NMNAT2: variants seen among roughly 807,000 people sequenced by gnomAD.
The protein encoded by NMNAT2 is nicotinamide nucleotide adenylyltransferase 2, also known as nicotinamide/nicotinic acid mononucleotide adenylyltransferase 2.
NMNAT2 carries 11 observed loss-of-function variants against 41.6 expected under a neutral mutation model. The ratio of observed to expected loss-of-function variants is 0.26; its 90% CI spans 0.17 to 0.44. NMNAT2 has a LOEUF of 0.44. Among genes scored for constraint, NMNAT2 ranks in the 20% least tolerant of loss-of-function variants. The pLI is 1.00. For synonymous variants in NMNAT2, 148 were observed against 151.2 expected, an observed-to-expected ratio of 0.98 and a Z score of 0.16; for missense variants, 288 against 407.7, an observed-to-expected ratio of 0.71 and a Z score of 2.53.
At chr1:183,338,559 A>G (rs1662728190) in intron 1 of NMNAT2, among the ~76,000 whole-genome samples, 2 of 152,250 alleles carry the variant, frequency 1.3e-5, no homozygotes, top group African/African-American at 4.8e-5. Context: ...ATGATAATCA[A>G]ATGAAATAAG....
intron 1 of NMNAT2, among the ~76,000 whole-genome samples, chr1:183,370,084 C>A (rs889361695): frequency 2.0e-5 from 3 of 152,082 alleles, no homozygotes; most frequent in Middle Eastern, 3.4e-3. Context: ...TCCCAACACA[C>A]GGCTGCAACC....
At chr1:183,379,099 AATC>A (rs1268315832) in intron 1 of NMNAT2, among the ~76,000 whole-genome samples, 6 of 113,762 alleles carry the variant, frequency 5.3e-5, no homozygotes, top group Admixed American at 3.3e-4. Context: ...TATAATCTAT[AATC>A]TATATCTCTC....
At chr1:183,361,675 G>A (rs1456558275) in intron 1 of NMNAT2, among the ~76,000 whole-genome samples, 5 of 152,184 alleles carry the variant, frequency 3.3e-5, no homozygotes, top group African/African-American at 1.2e-4. Context: ...CTCTAGCACT[G>A]TAATCTCTTT....
chr1:183,347,933 G>A lies in NMNAT2; in HGVS notation c.86-54140C>T, dbSNP rs140896556. 3.4e-3 allele frequency among the ~76,000 whole-genome samples: 523 copies of A among 152,166 alleles called. 7 individuals carry two copies. The highest frequency in any genetic ancestry group is 0.012 in the African/African-American group (492 of 41,504). Reference sequence around the variant, plus strand: ...TCAGTTCCCTTCAATGACTACTTGCGCTGGGAGGGTTGAACAAATGGGGAC... The same window carrying A: ...TCAGTTCCCTTCAATGACTACTTGCACTGGGAGGGTTGAACAAATGGGGAC... On this transcript the variant is annotated intron_variant, in intron 1 of 10. Coordinates refer to ENST00000287713, the MANE Select transcript of NMNAT2 (RefSeq NM_015039.4).
At chr1:183,391,177 A>G (rs1283553956) in intron 1 of NMNAT2, among the ~76,000 whole-genome samples, 3 of 152,024 alleles carry the variant, frequency 2.0e-5, no homozygotes, top group African/African-American at 7.2e-5. Flanking sequence ...TTCTCTCTTC[A>G]AATCCCATTG....
intron 1 of NMNAT2, among the ~76,000 whole-genome samples, chr1:183,322,528 C>A (rs879892386): frequency 8.5e-5 from 13 of 152,178 alleles, no homozygotes; most frequent in Non-Finnish European, 1.9e-4. Context: ...TACTCCTGCT[C>A]CTCCAAAGCT....
intron 1 of NMNAT2, among the ~76,000 whole-genome samples, chr1:183,398,992 A>G (rs1184873498): frequency 1.3e-5 from 2 of 152,210 alleles, no homozygotes; most frequent in African/African-American, 4.8e-5. Context: ...TAACATCACA[A>G]TTAAAACAAC....
At chr1:183,293,677 G>A (rs201403484) in intron 2 of NMNAT2, 28 bp downstream of exon 2, 7 of 1,524,274 alleles carry the variant, frequency 4.6e-6, no homozygotes, top group Non-Finnish European at 6.4e-6. Context: ...GGGGATTGAA[G>A]AGGAGAGGGG....
intron 1 of NMNAT2, among the ~76,000 whole-genome samples, chr1:183,385,290 G>GA (rs1428642553): frequency 1.3e-5 from 2 of 152,156 alleles, no homozygotes; most frequent in African/African-American, 2.4e-5. Context: ...TGCCTGTTTA[G>GA]AAAATGTGAG....
At chr1:183,286,276 C>T (rs1405928773) in intron 5 of NMNAT2, among the ~76,000 whole-genome samples, 2 of 151,814 alleles carry the variant, frequency 1.3e-5, no homozygotes, top group African/African-American at 2.4e-5. Context: ...TTATTTGGTA[C>T]AGGTGGGGTT....
rs773660998 is a variant in NMNAT2, at chr1:183,261,316, A to C, written c.652-13T>G. Reference sequence around the variant, plus strand: ...CAATCACCTCCATCTAAAGAAACAGAGAGAGGGCCCTTTGGTGAAACCCTG... The same window carrying C: ...CAATCACCTCCATCTAAAGAAACAGCGAGAGGGCCCTTTGGTGAAACCCTG... On this transcript the variant is annotated splice_polypyrimidine_tract_variant and intron_variant, in intron 8 of 10. Coordinates refer to ENST00000287713, the MANE Select transcript of NMNAT2 (RefSeq NM_015039.4). 6.2e-7 allele frequency: 1 copy of C among 1,607,596 alleles called. No individual in the cohort carries two copies. The highest frequency in any genetic ancestry group is 1.1e-5 in the South Asian group (1 of 90,930).
intron 1 of NMNAT2, among the ~76,000 whole-genome samples, chr1:183,296,624 T>G (rs776718596): frequency 2.0e-4 from 30 of 152,102 alleles, no homozygotes; most frequent in Non-Finnish European, 4.1e-4. Context: ...GTGATTCTTG[T>G]GCCTCAGCCT....
At chr1:183,402,655 A>T (rs1293005665) in intron 1 of NMNAT2, among the ~76,000 whole-genome samples, 1 of 152,192 alleles carries the variant, frequency 6.6e-6, no homozygotes. Context: ...TATTTATTGC[A>T]GGGGATGCTC....
chr1:183,301,414 G>A (rs531513226), intron 1 of NMNAT2, among the ~76,000 whole-genome samples: 1 of 152,376 alleles, frequency 6.6e-6, no homozygotes, highest in Admixed American at 6.5e-5. Flanking sequence ...CAGCCCATTG[G>A]CAAAGCTGTA....
intron 1 of NMNAT2, among the ~76,000 whole-genome samples, chr1:183,365,454 G>C (rs1164012126): frequency 6.6e-6 from 1 of 152,006 alleles, no homozygotes; most frequent in Non-Finnish European, 1.5e-5. Flanking sequence ...GATGGAGAAT[G>C]GGTTTTAAAA....
At chr1:183,292,168 G>A (rs1473252867) in intron 3 of NMNAT2, among the ~76,000 whole-genome samples, 1 of 152,218 alleles carries the variant, frequency 6.6e-6, no homozygotes, top group African/African-American at 2.4e-5. Flanking sequence ...AAGAACTTTG[G>A]GGAACATCAT....
chr1:183,412,141 C>T (rs760453176), intron 1 of NMNAT2, among the ~76,000 whole-genome samples: 3 of 152,204 alleles, frequency 2.0e-5, no homozygotes, highest in African/African-American at 4.8e-5. Context: ...GACAGAGATA[C>T]GGAGCTCTGG....
chr1:183,313,003 T>C (rs1662158802), intron 1 of NMNAT2, among the ~76,000 whole-genome samples: 1 of 152,176 alleles, frequency 6.6e-6, no homozygotes, highest in Non-Finnish European at 1.5e-5. Flanking sequence ...CTGTGTCTTT[T>C]CCAATGAAGC....
chr1:183,290,364 T>C (rs1329527806), intron 3 of NMNAT2, among the ~76,000 whole-genome samples, 158 bp from the exon 4 acceptor site: 1 of 152,230 alleles, frequency 6.6e-6, no homozygotes, highest in Non-Finnish European at 1.5e-5. Flanking sequence ...AACACTCTTC[T>C]GAGCTTCAGT....
Sources: allele counts gnomAD v4.1 joint callset (sites outside exome capture counted in the v4.1 genomes callset), GRCh38; gene constraint gnomAD v4.1.1; transcripts MANE v1.5; gene names NCBI Gene and HGNC (gene_info 2026-07-23, HGNC 2026-07-21).